NEK7: variants seen among roughly 807,000 people sequenced by gnomAD.
The protein encoded by NEK7 is NIMA related kinase 7, also known as serine/threonine-protein kinase Nek7.
Under a neutral mutation model 44.6 loss-of-function variants are expected in NEK7, and 18 were observed. The ratio of observed to expected loss-of-function variants is 0.40; its 90% CI spans 0.28 to 0.60. The LOEUF is 0.60. Among genes scored for constraint, NEK7 ranks in the 20% least tolerant of loss-of-function variants. The pLI, the probability that NEK7 is intolerant of heterozygous loss-of-function variation, is 0.38. For missense variants in NEK7, 256 were observed against 366.5 expected (o/e 0.70, Z 2.46); for synonymous variants, 130 against 121.1 (o/e 1.07, Z -0.48).
At chr1:198,162,065 C>T (rs1302158766) in intron 1 of NEK7, among the ~76,000 whole-genome samples, 1 of 152,124 alleles carries the variant, frequency 6.6e-6, no homozygotes, top group Non-Finnish European at 1.5e-5. Flanking sequence ...AGAGGGCCTA[C>T]AGTCAAGGTA....
chr1:198,266,144 T>G (rs537131828), intron 5 of NEK7, among the ~76,000 whole-genome samples: 5 of 152,238 alleles, frequency 3.3e-5, no homozygotes, highest in Admixed American at 1.3e-4. Flanking sequence ...TTTATTACTT[T>G]GTTAATAATT....
chr1:198,182,155 T>C (rs1456557013), intron 1 of NEK7, among the ~76,000 whole-genome samples: 1 of 152,158 alleles, frequency 6.6e-6, no homozygotes, highest in Admixed American at 6.6e-5. Flanking sequence ...AATAGTTGGC[T>C]GTAATGAATA....
intron 1 of NEK7, among the ~76,000 whole-genome samples, chr1:198,171,846 A>C (rs895444312): frequency 2.6e-5 from 4 of 152,162 alleles, no homozygotes; most frequent in Non-Finnish European, 5.9e-5. Flanking sequence ...CACATGCCGT[A>C]AGACTCACCT....
chr1:198,273,673 T>C (rs1653923825), intron 5 of NEK7, among the ~76,000 whole-genome samples: 1 of 151,812 alleles, frequency 6.6e-6, no homozygotes, highest in East Asian at 1.9e-4. Flanking sequence ...TGTCATCTCA[T>C]GTTAAGACCT....
intron 4 of NEK7, among the ~76,000 whole-genome samples, chr1:198,263,475 T>C (rs1207077101): frequency 6.6e-6 from 1 of 151,890 alleles, no homozygotes; most frequent in Non-Finnish European, 1.5e-5. Context: ...TCTGCATAAT[T>C]TCTCAGAGAA....
chr1:198,204,139 G>A (rs772083859), intron 1 of NEK7, among the ~76,000 whole-genome samples: 1 of 152,096 alleles, frequency 6.6e-6, no homozygotes, highest in Non-Finnish European at 1.5e-5. Context: ...ACGTGCCTGT[G>A]AGCCCAGCTA....
chr1:198,264,056 A>T, intron 4 of NEK7, 69 bp from the exon 5 acceptor site: 1 of 1,471,008 alleles, frequency 6.8e-7, no homozygotes, highest in South Asian at 1.5e-5. Flanking sequence ...GTTCTTAAGT[A>T]CAAAACTATA....
intron 6 of NEK7, among the ~76,000 whole-genome samples, chr1:198,278,386 T>C (rs894993786): frequency 4.0e-5 from 6 of 150,900 alleles, no homozygotes; most frequent in Non-Finnish European, 5.9e-5. Context: ...ACCACTTAGA[T>C]TTTTAATATT....
intron 5 of NEK7, among the ~76,000 whole-genome samples, chr1:198,271,639 A>G (rs1653845757): frequency 1.3e-5 from 2 of 151,802 alleles, no homozygotes; most frequent in African/African-American, 2.4e-5. Context: ...TCTCTCTTTG[A>G]TAACTCTGAT....
At chr1:198,171,463 G>A (rs1165813725) in intron 1 of NEK7, among the ~76,000 whole-genome samples, 3 of 151,836 alleles carry the variant, frequency 2.0e-5, no homozygotes, top group Admixed American at 6.6e-5. Flanking sequence ...GGTGGATCAC[G>A]AGGTCAGGAG....
At chr1:198,195,056 A>C (rs148999629) in intron 1 of NEK7, among the ~76,000 whole-genome samples, 1 of 152,116 alleles carries the variant, frequency 6.6e-6, no homozygotes, top group Non-Finnish European at 1.5e-5. Flanking sequence ...GAAGATATTG[A>C]TATTTGATAT....
chr1:198,246,805 G>T (rs1016767087), intron 2 of NEK7, among the ~76,000 whole-genome samples: 1 of 152,208 alleles, frequency 6.6e-6, no homozygotes, highest in African/African-American at 2.4e-5. Context: ...GTTTGATAGT[G>T]TTCCTAATGA....
intron 7 of NEK7, among the ~76,000 whole-genome samples, chr1:198,280,410 C>G (rs2102985137): frequency 1.3e-5 from 2 of 152,232 alleles, no homozygotes; most frequent in South Asian, 4.1e-4. Flanking sequence ...TGCCCCTGCT[C>G]ATGCACACAC....
chr1:198,226,934 T>C (rs1666245369), intron 1 of NEK7, among the ~76,000 whole-genome samples: 1 of 152,096 alleles, frequency 6.6e-6, no homozygotes, highest in Non-Finnish European at 1.5e-5. Flanking sequence ...TAGTTACATA[T>C]GTATACATGT....
chr1:198,222,267 A>G (rs1666093930), intron 1 of NEK7, among the ~76,000 whole-genome samples: 1 of 152,182 alleles, frequency 6.6e-6, no homozygotes, highest in Admixed American at 6.5e-5. Flanking sequence ...GAGTTACCAT[A>G]ATATGCTTAA....
Position 198,279,066 on chromosome 1 carries a change from G to A in NEK7, c.589+5G>A, listed in dbSNP as rs368335804. ...CCACAGCTGCACATTCTTTAGGTAA[G>A]AGACACAATATAATTTCATTCAGTT... On this transcript the variant is annotated splice_donor_5th_base_variant and intron_variant, in intron 7 of 9. Transcript: ENST00000367385. 44 of 1,551,562 alleles carry A rather than the reference G, an allele frequency of 2.8e-5. No individual in the cohort carries two copies. In the African/African-American group the frequency reaches 5.6e-4, roughly 20 times the overall value.
intron 1 of NEK7, among the ~76,000 whole-genome samples, chr1:198,166,824 G>C (rs995653198): frequency 6.6e-6 from 1 of 152,174 alleles, no homozygotes; most frequent in East Asian, 1.9e-4. Flanking sequence ...ATGTGACACA[G>C]AGATATGGAG....
rs540990116 is a variant in NEK7 at position 198,295,301 on chromosome 1, G to A, written c.685-1826G>A. Among the ~76,000 whole-genome samples, 3 of 152,240 alleles carry A rather than the reference G, an allele frequency of 2.0e-5. No individual in the cohort carries two copies. The South Asian group carries it at 6.2e-4, about 32-fold the overall frequency. On this transcript the variant is annotated intron_variant, in intron 8 of 9. Transcript: ENST00000367385. ...TCAAAAAAAAAGAGAGCTGCCACCA[G>A]CCCCGAAGACAGACAGTGGGCTTTC...
Position 198,232,571 on chromosome 1 carries a change from G to T in NEK7, c.-10G>T, listed in dbSNP as rs4600071. 28,064 of 1,584,194 alleles carry T rather than the reference G, an allele frequency of 0.018. 354 individuals are homozygous for T. Among genetic ancestry groups the T allele is most frequent in the African/African-American group, 0.049 (3,645 of 74,266 alleles). On this transcript the variant is annotated 5_prime_UTR_variant, in exon 2 of 10. Coordinates refer to ENST00000367385, the MANE Select transcript of NEK7 (RefSeq NM_133494.3). Reference sequence around the variant, plus strand: ...TTTGCAGAGTTCTAAAGTTCCTGTTGCTTCAGACAATGGATGAGCAATCAC... The same window carrying T: ...TTTGCAGAGTTCTAAAGTTCCTGTTTCTTCAGACAATGGATGAGCAATCAC...
Sources: allele counts gnomAD v4.1 joint callset (sites outside exome capture counted in the v4.1 genomes callset), GRCh38; gene constraint gnomAD v4.1.1; transcripts MANE v1.5; gene names NCBI Gene and HGNC (gene_info 2026-07-23, HGNC 2026-07-21).